Variants in L1CAM observed in about 807,000 individuals in gnomAD.
L1CAM encodes L1 cell adhesion molecule.
A neutral mutation model predicts 93.0 loss-of-function variants in L1CAM; 8 were observed. The observed-to-expected ratio is 0.09, with a 90% CI of 0.05 to 0.16. The LOEUF is 0.16. Ranked by LOEUF, L1CAM falls within the 10% of genes least tolerant of loss-of-function variation. The probability of loss-of-function intolerance (pLI) is 1.00; values close to 1 mark genes in which losing one functional copy is unlikely to be tolerated. For synonymous variants in L1CAM, 453 were observed against 453.0 expected, an observed-to-expected ratio of 1.00 and a Z score of 0.00; for missense variants, 777 against 1,073.4, an observed-to-expected ratio of 0.72 and a Z score of 3.86.
At chrX:153,863,753 GC>G (rs2064685087) in intron 26 of L1CAM, 129 bp downstream of exon 26, 1 of 988,083 alleles carries the variant, frequency 1.0e-6, no homozygotes, top group African/African-American at 1.9e-5. Flanking sequence ...CCCCCTGCCT[GC>G]CCCCACCATG....
At chrX:153,876,960 C>G (rs1390351811) in intron 1 of L1CAM, among the ~76,000 whole-genome samples, 1 of 110,036 alleles carries the variant, frequency 9.1e-6, no homozygotes, top group East Asian at 2.9e-4. Context: ...GATCGTGCCA[C>G]TGCCCCCCAG....
chrX:153,873,595 G>A (rs2064791545), intron 2 of L1CAM, among the ~76,000 whole-genome samples: 1 of 112,401 alleles, frequency 8.9e-6, no homozygotes, highest in South Asian at 3.6e-4. Context: ...CCCCCTGGCA[G>A]GGCCTGGCAG....
chrX:153,874,081 T>A (rs1016709023), intron 2 of L1CAM, among the ~76,000 whole-genome samples: 1 of 111,518 alleles, frequency 9.0e-6, no homozygotes, highest in Non-Finnish European at 1.9e-5. Context: ...GTGACAGGGA[T>A]GACAGGATGC....
chrX:153,866,192 A>T (rs1205418956), intron 19 of L1CAM, among the ~76,000 whole-genome samples: 1 of 109,582 alleles, frequency 9.1e-6, no homozygotes, highest in Non-Finnish European at 1.9e-5. Context: ...GCGTGCCTGT[A>T]ATCCCAGCTA....
intron 28 of L1CAM, 59 bp from the exon 29 acceptor site, chrX:153,862,953 G>T: frequency 1.0e-6 from 1 of 989,432 alleles, no homozygotes. Context: ...CAGGAGCCTG[G>T]CTGGGGGTGA....
chrX:153,873,219 C>T lies in L1CAM; in HGVS notation c.91+9G>A. On this transcript the variant is annotated intron_variant, in intron 3 of 28. Transcript: ENST00000370060. ...TTCTGGGAAACACTCTCACCCCTCCCCAACTTACCATGGTGTCCTTCATCT... is the reference window on the plus strand; with the variant it reads ...TTCTGGGAAACACTCTCACCCCTCCTCAACTTACCATGGTGTCCTTCATCT... The T allele has an allele frequency of 1.7e-6, 2 of 1,210,466 alleles. No homozygotes were observed. The highest frequency in any genetic ancestry group is 2.2e-6 in the Non-Finnish European group (2 of 894,070).
chrX:153,863,450 C>T, intron 27 of L1CAM, 27 bp downstream of exon 27: 1 of 1,206,639 alleles, frequency 8.3e-7, no homozygotes, highest in Non-Finnish European at 1.1e-6. Flanking sequence ...GAGCTGAGTG[C>T]CAGCACCCAC....
intron 19 of L1CAM, among the ~76,000 whole-genome samples, chrX:153,866,165 T>C (rs1160553090): frequency 9.2e-6 from 1 of 108,849 alleles, no homozygotes; most frequent in Admixed American, 9.8e-5. Flanking sequence ...ATACGAAAAT[T>C]AGTTGGGTGT....
chrX:153,876,678 T>C (rs782588665), intron 1 of L1CAM, among the ~76,000 whole-genome samples: 3 of 112,345 alleles, frequency 2.7e-5, no homozygotes, highest in South Asian at 3.7e-4. Context: ...TTTCACAAAA[T>C]AGTTTCAGGA....
rs2064687201 is a variant in L1CAM, at chrX:153,863,905, G to T, written c.3435C>A (p.Arg1145=). The change falls in exon 26 of 29, where the codon CGC becomes CGA. Residue 1145 remains arginine, a synonymous_variant. Coordinates refer to ENST00000370060, the MANE Select transcript of L1CAM (RefSeq NM_001278116.2). ...LVLLILCFIK[R]SKGGKYSVKD... ...TACCTGAGTATTTGCCGCCCTTGCT[G>T]CGCTTGATGAAGCAGAGGATGAGCA... 8.3e-7 allele frequency: 1 copy of T among 1,211,134 alleles called. No individual in the cohort carries two copies. Among genetic ancestry groups the T allele is most frequent in the African/African-American group, 1.7e-5 (1 of 57,526 alleles).
chrX:153,877,410 G>A (rs1260742385), intron 1 of L1CAM, among the ~76,000 whole-genome samples: 2 of 106,203 alleles, frequency 1.9e-5, no homozygotes, highest in South Asian at 4.3e-4. Flanking sequence ...TGCGGTGAGC[G>A]GAGATTGCGC....
chrX:153,862,986 A>G (rs1468168927), intron 28 of L1CAM, 92 bp from the exon 29 acceptor site: 6 of 711,783 alleles, frequency 8.4e-6, no homozygotes, highest in Non-Finnish European at 1.3e-5. Context: ...CCTGCCTTCC[A>G]TTTGTTTAGA....
Position 153,871,195 on chromosome X carries a change from G to A in L1CAM, c.401-16C>T, listed in dbSNP as rs782088649. The A allele has an allele frequency of 1.9e-5, 23 of 1,207,045 alleles. No homozygotes were observed. Among genetic ancestry groups the A allele is most frequent in the East Asian group, 1.2e-4 (4 of 33,813 alleles). On this transcript the variant is annotated splice_polypyrimidine_tract_variant and intron_variant, in intron 5 of 28. Coordinates refer to ENST00000370060, the MANE Select transcript of L1CAM (RefSeq NM_001278116.2). ...TTGGGGGCACCTAGAAGGGACAGAC[G>A]GGCTGACACTCTCCTCCTGGTCCAG...
chrX:153,879,469 G>A (rs991346514), intron 1 of L1CAM, among the ~76,000 whole-genome samples: 1 of 107,053 alleles, frequency 9.3e-6, no homozygotes, highest in East Asian at 3.0e-4. Context: ...CCTGCACAGC[G>A]TCCTTGTCCC....
rs782516225 is a variant in L1CAM, at chrX:153,868,689, C to T, written c.1418G>A (p.Arg473His). The T allele has an allele frequency of 6.6e-6, 8 of 1,211,691 alleles. No individual in the cohort carries two copies. Among genetic ancestry groups the T allele is most frequent in the Non-Finnish European group, 8.9e-6 (8 of 895,443 alleles). The change falls in exon 13 of 29, where the codon CGC becomes CAC. Residue 473 changes from arginine (R) to histidine (H), a missense_variant. By Grantham distance (29) the Arg-to-His change is conservative. This residue lies in a region of L1CAM where 574 missense variants were observed against 781.0 expected (regional missense o/e 0.73). Transcript: ENST00000370060. ...GGTCCCATTGGCATAGGGGAAGAAGCGTTCGTCCTGAAGCACTGTTGTCCC... is the reference window on the plus strand; with the variant it reads ...GGTCCCATTGGCATAGGGGAAGAAGTGTTCGTCCTGAAGCACTGTTGTCCC... ...EDGTTVLQDE[R>H]FFPYANGTLG... is the part of the protein sequence containing the mutation.
chrX:153,868,497 C>T (rs1557091855), intron 13 of L1CAM, 39 bp from the exon 14 acceptor site: 2 of 1,211,741 alleles, frequency 1.7e-6, no homozygotes, highest in Middle Eastern at 2.3e-4. Context: ...ACTCTGTTGT[C>T]CTCCAGAGGC....
chrX:153,885,390 C>A, intron 1 of L1CAM: 1 of 982,348 alleles, frequency 1.0e-6, no homozygotes, highest in Non-Finnish European at 1.3e-6. Flanking sequence ...TCCAGAGGCG[C>A]CCTACGCCTC....
chrX:153,866,622 G>A, intron 19 of L1CAM, 27 bp downstream of exon 19: 6 of 1,147,230 alleles, frequency 5.2e-6, no homozygotes, highest in Non-Finnish European at 6.0e-6. Context: ...GCTCAACCGT[G>A]GGCGAGGGGC....
chrX:153,885,781 C>T, intron 1 of L1CAM: 1 of 787,011 alleles, frequency 1.3e-6, no homozygotes, highest in Non-Finnish European at 1.5e-6. Context: ...CCCTGCCTGA[C>T]GCCCCCCGCC....
Sources: allele counts gnomAD v4.1 joint callset (sites outside exome capture counted in the v4.1 genomes callset), GRCh38; gene constraint gnomAD v4.1.1; regional missense constraint gnomAD v4.1.1; transcripts MANE v1.5; gene names NCBI Gene and HGNC (gene_info 2026-07-23, HGNC 2026-07-21).